CENPF: variants seen among roughly 807,000 people sequenced by gnomAD.
The protein encoded by CENPF is AH antigen.
CENPF carries 214 observed loss-of-function variants against 307.3 expected under a neutral mutation model. The observed-to-expected ratio is 0.70, with a 90% CI of 0.62 to 0.78. The LOEUF (loss-of-function observed/expected upper bound fraction) is 0.78, where lower values mean the gene tolerates loss of function less well. CENPF is among the 30% of genes least tolerant of loss of function. CENPF has a pLI of 0.00. For missense variants in CENPF, 3,401 were observed against 3,483.9 expected (o/e 0.98, Z 0.60); for synonymous variants, 1,259 against 1,270.6 (o/e 0.99, Z 0.19).
intron 8 of CENPF, among the ~76,000 whole-genome samples, 156 bp downstream of exon 8, chr1:214,629,327 C>A (rs1657741884): frequency 6.6e-6 from 1 of 152,128 alleles, no homozygotes; most frequent in Non-Finnish European, 1.5e-5. Context: ...TTTTCTTTCA[C>A]ATCTTCACTT....
In CENPF at chr1:214,641,347, T is replaced by C; in HGVS notation, c.3009T>C (p.Tyr1003=). ...LIQKSESFAN[Y]IDEREKSISE... is the part of the protein sequence containing the mutation. ...AGAAAAGTGAGAGTTTTGCAAACTATATAGATGAAAGGGAGAAAAGCATTT... is the reference window on the plus strand; with the variant it reads ...AGAAAAGTGAGAGTTTTGCAAACTACATAGATGAAAGGGAGAAAAGCATTT... Residue 1003 remains tyrosine (Y), a synonymous_variant, in exon 12 of 20, where the codon TAT becomes TAC. Transcript: ENST00000366955. 1 of 1,611,126 alleles carries C rather than the reference T, an allele frequency of 6.2e-7. No homozygotes were observed. The highest frequency in any genetic ancestry group is 8.5e-7 in the Non-Finnish European group (1 of 1,179,332).
chr1:214,606,065 G>T, intron 1 of CENPF: 7 of 1,592,670 alleles, frequency 4.4e-6, no homozygotes, highest in Non-Finnish European at 4.2e-6. Flanking sequence ...GATGCTGTCC[G>T]GGCTGATGCC....
chr1:214,645,464 G>C lies in CENPF; in HGVS notation c.5894G>C (p.Gly1965Ala), dbSNP rs756821461. 12 of 1,613,798 alleles carry C rather than the reference G, an allele frequency of 7.4e-6. No individual in the cohort carries two copies. Among genetic ancestry groups the C allele is most frequent in the Non-Finnish European group, 1.0e-5 (12 of 1,179,978 alleles). ...VVTSERNQLRGELDTMSKKTT... is the reference protein window; with the variant it reads ...VVTSERNQLRAELDTMSKKTT... ...ACAAGTGAGAGAAACCAGCTTCGTGGAGAATTAGATACTATGTCAAAAAAA... is the reference window on the plus strand; with the variant it reads ...ACAAGTGAGAGAAACCAGCTTCGTGCAGAATTAGATACTATGTCAAAAAAA... Residue 1965 changes from glycine to alanine, a missense_variant, in exon 13 of 20, where the codon GGA becomes GCA. Coordinates refer to ENST00000366955, the MANE Select transcript of CENPF (RefSeq NM_016343.4).
Position 214,632,505 on chromosome 1 carries a change from A to C in CENPF, c.1349A>C (p.Glu450Ala), listed in dbSNP as rs1657835773. The C allele has an allele frequency of 1.2e-6, 2 of 1,614,048 alleles. No homozygotes were observed. Among genetic ancestry groups the C allele is most frequent in the East Asian group, 4.5e-5 (2 of 44,872 alleles). Reference sequence around the variant, plus strand: ...CTCACATCAGTAAAGCAACAGCTAGAAAACAATTTGGAAGAGTTTAAGCAA... The same window carrying C: ...CTCACATCAGTAAAGCAACAGCTAGCAAACAATTTGGAAGAGTTTAAGCAA... ...DKLTSVKQQL[E>A]NNLEEFKQKL... Residue 450 changes from glutamate (E) to alanine (A), a missense_variant, in exon 10 of 20, where the codon GAA becomes GCA. Glu to Ala is a moderately radical substitution (Grantham distance 107, BLOSUM62 -1). Transcript: ENST00000366955.
chr1:214,664,326 C>T lies in CENPF; in HGVS notation c.*532C>T, dbSNP rs77570585. On this transcript the variant is annotated 3_prime_UTR_variant, in exon 20 of 20. Coordinates refer to ENST00000366955, the MANE Select transcript of CENPF (RefSeq NM_016343.4). Reference sequence around the variant, plus strand: ...TATACATGTAGGAGTGTTTATCTTTCTCTTACAATCTGTTTTAGACATCTT... The same window carrying T: ...TATACATGTAGGAGTGTTTATCTTTTTCTTACAATCTGTTTTAGACATCTT... 6,550 of 153,534 alleles carry T rather than the reference C, an allele frequency of 0.043. 179 individuals carry two copies. Among genetic ancestry groups the T allele is most frequent in the Middle Eastern group, 0.075 (22 of 294 alleles). 9.5% of individuals were successfully genotyped at this position (153,534 alleles called of 1,614,324 possible).
intron 14 of CENPF, among the ~76,000 whole-genome samples, chr1:214,650,990 T>A (rs1012374458): frequency 6.6e-6 from 1 of 152,140 alleles, no homozygotes; most frequent in Non-Finnish European, 1.5e-5. Flanking sequence ...CAGATACTAC[T>A]TAGATGTCGA....
chr1:214,647,750 G>A (rs1234454386), intron 13 of CENPF, among the ~76,000 whole-genome samples: 6 of 152,212 alleles, frequency 3.9e-5, no homozygotes, highest in African/African-American at 1.2e-4. Context: ...ATCCAGTTGA[G>A]ACTCACTGCT....
At chr1:214,660,294 A>T (rs1237312648) in intron 19 of CENPF, among the ~76,000 whole-genome samples, 6 of 152,160 alleles carry the variant, frequency 3.9e-5, no homozygotes, top group African/African-American at 1.4e-4. Context: ...AAGTGGACCC[A>T]TTTGTTACTC....
Position 214,651,709 on chromosome 1 carries a change from G to A in CENPF, c.7984-1G>A, listed in dbSNP as rs1658465129. ...TATGATTTTATTATTTTTCTGTTTA[G>A]GATCAATTGAAGGAGCTCACACTAG... is the stretch of plus-strand genomic sequence containing the variant. On this transcript the variant is annotated splice_acceptor_variant, in intron 14 of 19. Transcript: ENST00000366955. LOFTEE classifies it high-confidence loss of function. 1 of 1,572,534 alleles carries A rather than the reference G, an allele frequency of 6.4e-7. No homozygotes were observed. Among genetic ancestry groups the A allele is most frequent in the Non-Finnish European group, 8.6e-7 (1 of 1,166,184 alleles).
At chr1:214,649,320 A>T (rs1658400319) in intron 14 of CENPF, among the ~76,000 whole-genome samples, 1 of 152,170 alleles carries the variant, frequency 6.6e-6, no homozygotes, top group Non-Finnish European at 1.5e-5. Context: ...TCCATAGTAG[A>T]TATTACTAAT....
chr1:214,641,966 T>C lies in CENPF; in HGVS notation c.3628T>C (p.Leu1210=), dbSNP rs1658130291. ...TTCTCTAGATAGTTATAATGCGCAG[T>C]TGGTGCAATTAGAAGCTATGCTAAG... is the stretch of plus-strand genomic sequence containing the variant. ...EISLDSYNAQ[L]VQLEAMLRNK... Residue 1210 remains leucine, a synonymous_variant, in exon 12 of 20, where the codon TTG becomes CTG. Coordinates refer to ENST00000366955, the MANE Select transcript of CENPF (RefSeq NM_016343.4). 2 of 1,602,578 alleles carry C rather than the reference T, an allele frequency of 1.2e-6. No homozygotes were observed. Among genetic ancestry groups the C allele is most frequent in the Non-Finnish European group, 1.7e-6 (2 of 1,177,112 alleles).
chr1:214,612,285 G>A (rs1657220801), intron 1 of CENPF, among the ~76,000 whole-genome samples: 3 of 152,118 alleles, frequency 2.0e-5, no homozygotes, highest in South Asian at 2.1e-4. Flanking sequence ...ATTGATTTGC[G>A]TATGTTGAAC....
In CENPF at chr1:214,663,608, G is replaced by T; in HGVS notation, c.9159G>T (p.Arg3053=). 1 of 1,614,076 alleles carries T rather than the reference G, an allele frequency of 6.2e-7. No homozygotes were observed. Among genetic ancestry groups the T allele is most frequent in the Non-Finnish European group, 8.5e-7 (1 of 1,180,014 alleles). Residue 3053 remains arginine (R), a synonymous_variant, in exon 20 of 20, where the codon CGG becomes CGT. Transcript: ENST00000366955. ...SRSQKVKVAQ[R]SPVDSGTILR... ...TGTTGCAGGTCAAAGTTGCTCAGCG[G>T]AGCCCAGTAGATTCAGGCACCATCC...
chr1:214,632,945 G>A (rs1484803953), intron 10 of CENPF, among the ~76,000 whole-genome samples: 1 of 152,212 alleles, frequency 6.6e-6, no homozygotes, highest in African/African-American at 2.4e-5. Flanking sequence ...GGAAAGGAAG[G>A]AAGGGATTTT....
Position 214,646,430 on chromosome 1 carries a change from A to G in CENPF, c.6860A>G (p.Gln2287Arg), listed in dbSNP as rs1362959698. Reference sequence around the variant, plus strand: ...CAAGAAATTATGAAGGCCACAGAACAGAGTCTAGACCCACCAATAGAGGAA... The same window carrying G: ...CAAGAAATTATGAAGGCCACAGAACGGAGTCTAGACCCACCAATAGAGGAA... Reference protein sequence around the residue: ...GDQEIMKATEQSLDPPIEEEH... With the variant: ...GDQEIMKATERSLDPPIEEEH... The change falls in exon 13 of 20, where the codon CAG becomes CGG. Residue 2287 changes from glutamine (Q) to arginine (R), a missense_variant. Coordinates refer to ENST00000366955, the MANE Select transcript of CENPF (RefSeq NM_016343.4). 4 of 1,614,018 alleles carry G rather than the reference A, an allele frequency of 2.5e-6. No individual in the cohort carries two copies. Among genetic ancestry groups the G allele is most frequent in the Non-Finnish European group, 1.7e-6 (2 of 1,180,022 alleles).
chr1:214,644,089 T>C (rs554589676), intron 12 of CENPF, among the ~76,000 whole-genome samples: 2 of 152,338 alleles, frequency 1.3e-5, no homozygotes, highest in South Asian at 4.1e-4. Flanking sequence ...TATCCAATAA[T>C]GTACAGTAAG....
Position 214,658,984 on chromosome 1 carries a change from GC to G in CENPF, c.9098del (p.Ala3033GlufsTer24), listed in dbSNP as rs1396782699. 1 of 1,614,106 alleles carries G rather than the reference GC, an allele frequency of 6.2e-7. No individual in the cohort carries two copies. The highest frequency in any genetic ancestry group is 8.5e-7 in the Non-Finnish European group (1 of 1,180,004). On this transcript the variant is annotated frameshift_variant, in exon 19 of 20. Coordinates refer to ENST00000366955, the MANE Select transcript of CENPF (RefSeq NM_016343.4). LOFTEE classifies it low-confidence loss of function (END_TRUNC). Reference protein sequence around the residue: ...SPLSLGKENLAESSKPTAGGS... With the variant: ...SPLSLGKENLXESSKPTAGGS... The stretch of plus-strand genomic sequence containing the variant: ...ACTGAGTCTCGGCAAAGAAAATCTT[GC>G]AGAGTCCTCCAAACCAACAGCTGGT...
Position 214,643,208 on chromosome 1 carries a change from T to C in CENPF, c.4870T>C (p.Leu1624=). Residue 1624 remains leucine, a synonymous_variant, in exon 12 of 20, where the codon TTG becomes CTG. Coordinates refer to ENST00000366955, the MANE Select transcript of CENPF (RefSeq NM_016343.4). Reference sequence around the variant, plus strand: ...CGTGACTCTGGAGATGGAGTCCAAGTTGGCGGCAGAAAAGAAACAGACGGA... The same window carrying C: ...CGTGACTCTGGAGATGGAGTCCAAGCTGGCGGCAGAAAAGAAACAGACGGA... ...TSVTLEMESK[L]AAEKKQTEQL... is the part of the protein sequence containing the mutation. 1 of 1,602,792 alleles carries C rather than the reference T, an allele frequency of 6.2e-7. No individual in the cohort carries two copies. The highest frequency in any genetic ancestry group is 8.5e-7 in the Non-Finnish European group (1 of 1,176,658).
At chr1:214,644,347 A>G (rs1056751500) in intron 12 of CENPF, among the ~76,000 whole-genome samples, 1 of 152,268 alleles carries the variant, frequency 6.6e-6, no homozygotes, top group Non-Finnish European at 1.5e-5. Context: ...GCCTAACCCC[A>G]GTGTCTTGCC....
Sources: allele counts gnomAD v4.1 joint callset (sites outside exome capture counted in the v4.1 genomes callset), GRCh38; gene constraint gnomAD v4.1.1; transcripts MANE v1.5; gene names NCBI Gene and HGNC (gene_info 2026-07-23, HGNC 2026-07-21).